MARCHF1: variants seen among roughly 807,000 people sequenced by gnomAD.
MARCHF1 encodes the protein E3 ubiquitin-protein ligase MARCHF1.
Under a neutral mutation model 54.2 loss-of-function variants are expected in MARCHF1, and 40 were observed. The observed-to-expected ratio is 0.74, with a 90% CI of 0.57 to 0.96. The LOEUF is 0.96. Ranked by LOEUF, MARCHF1 falls within the 40% of genes least tolerant of loss-of-function variation. MARCHF1 has a pLI of 0.00. For missense variants in MARCHF1, 586 were observed against 656.5 expected (o/e 0.89, Z 1.17); for synonymous variants, 236 against 236.3 (o/e 1.00, Z 0.01).
chr4:163,575,639 G>A (rs952937934), intron 8 of MARCHF1, among the ~76,000 whole-genome samples: 1 of 151,688 alleles, frequency 6.6e-6, no homozygotes, highest in Non-Finnish European at 1.5e-5. Flanking sequence ...GCTCTTCTTT[G>A]TATAGCTGGT....
chr4:163,976,904 C>T (rs1371276347), intron 3 of MARCHF1, among the ~76,000 whole-genome samples: 1 of 152,122 alleles, frequency 6.6e-6, no homozygotes, highest in African/African-American at 2.4e-5. Flanking sequence ...TAGCCAAACA[C>T]AGTTAAGCAT....
At chr4:163,754,815 CAGA>C (rs530180909) in intron 4 of MARCHF1, among the ~76,000 whole-genome samples, 103 of 151,854 alleles carry the variant, frequency 6.8e-4, no homozygotes, top group African/African-American at 2.3e-3. Context: ...GTTTTAATAA[CAGA>C]AGGACAGACA....
intron 4 of MARCHF1, among the ~76,000 whole-genome samples, chr4:163,815,388 A>G (rs1579308713): frequency 6.6e-6 from 1 of 152,350 alleles, no homozygotes; most frequent in African/African-American, 2.4e-5. Context: ...AAAGGCAGAA[A>G]TGTTGGCTGT....
At position 164,247,374 on chromosome 4, in the gene MARCHF1, G is replaced by T. The variant is rs1271985952; in HGVS notation, c.-322-135712C>A. On this transcript the variant is annotated intron_variant, in intron 1 of 9. Transcript: ENST00000514618. ...TCACAAGAACAAAAAACCAAACACC[G>T]CATATTCTCACTCATAGGTGGGAAT... is the stretch of plus-strand genomic sequence containing the variant. Among the ~76,000 whole-genome samples, 16 of 149,610 alleles carry T rather than the reference G, an allele frequency of 1.1e-4. No individual in the cohort carries two copies. In the East Asian group the frequency reaches 3.1e-3, roughly 29 times the overall value.
chr4:164,236,988 A>G (rs1303978321), intron 1 of MARCHF1, among the ~76,000 whole-genome samples: 2 of 152,164 alleles, frequency 1.3e-5, no homozygotes, highest in African/African-American at 2.4e-5. Context: ...TCAGCAATAC[A>G]GGACTCTACT....
intron 2 of MARCHF1, among the ~76,000 whole-genome samples, chr4:164,063,395 T>G (rs1277138306): frequency 6.6e-6 from 1 of 152,252 alleles, no homozygotes; most frequent in Non-Finnish European, 1.5e-5. Flanking sequence ...AATAGCTTGC[T>G]GCAGCTTCTC....
chr4:164,087,813 T>C (rs987357106), intron 2 of MARCHF1, among the ~76,000 whole-genome samples: 1 of 151,784 alleles, frequency 6.6e-6, no homozygotes, highest in African/African-American at 2.4e-5. Flanking sequence ...CTGTGTTTTT[T>C]TTTTTTCTGT....
rs181421953 is a variant in MARCHF1 at position 164,055,016 on chromosome 4, C to T, written c.-248+56572G>A. The stretch of plus-strand genomic sequence containing the variant: ...GTTTTGCGTGTTATCTAATTAAATT[C>T]TCTGTTTAATCTGTTGGGGGATATG... On this transcript the variant is annotated intron_variant, in intron 2 of 9. Coordinates refer to ENST00000514618, the MANE Select transcript of MARCHF1 (RefSeq NM_001394959.1). Among the ~76,000 whole-genome samples the T allele has an allele frequency of 5.9e-5, 9 of 152,172 alleles. No homozygotes were observed. In the East Asian group the frequency reaches 1.7e-3, roughly 29 times the overall value.
chr4:164,029,988 C>G (rs1753844765), intron 2 of MARCHF1, among the ~76,000 whole-genome samples: 1 of 152,070 alleles, frequency 6.6e-6, no homozygotes, highest in Admixed American at 6.6e-5. Flanking sequence ...AGATAATTTG[C>G]AAGTAAAAAA....
At chr4:164,038,048 G>A (rs1444219639) in intron 2 of MARCHF1, among the ~76,000 whole-genome samples, 1 of 152,154 alleles carries the variant, frequency 6.6e-6, no homozygotes, top group Non-Finnish European at 1.5e-5. Context: ...TGATTAAAAT[G>A]TTCTGTGCCT....
chr4:163,903,675 A>G (rs1399033170), intron 3 of MARCHF1, among the ~76,000 whole-genome samples: 2 of 151,920 alleles, frequency 1.3e-5, no homozygotes, highest in East Asian at 1.9e-4. Context: ...CAATGGTTCA[A>G]TCTTGGTTCA....
chr4:163,780,009 C>G (rs1747418612), intron 4 of MARCHF1, among the ~76,000 whole-genome samples: 1 of 152,276 alleles, frequency 6.6e-6, no homozygotes, highest in Middle Eastern at 3.4e-3. Context: ...GTGAGGACAC[C>G]TAAGTCTGGG....
chr4:163,960,629 G>A (rs1219662975), intron 3 of MARCHF1, among the ~76,000 whole-genome samples: 1 of 151,802 alleles, frequency 6.6e-6, no homozygotes, highest in Non-Finnish European at 1.5e-5. Context: ...ACAAAGAAGG[G>A]AACAACAGAC....
chr4:163,928,506 G>C (rs1156613477), intron 3 of MARCHF1, among the ~76,000 whole-genome samples: 1 of 151,794 alleles, frequency 6.6e-6, no homozygotes, highest in Admixed American at 6.6e-5. Context: ...GCACTTTATG[G>C]ATGAAGAATC....
intron 1 of MARCHF1, among the ~76,000 whole-genome samples, chr4:164,288,759 C>T (rs551935262): frequency 6.6e-6 from 1 of 152,162 alleles, no homozygotes; most frequent in South Asian, 2.1e-4. Context: ...GAGACCTACT[C>T]GACACATGAG....
chr4:164,137,400 T>C (rs1317476448), intron 1 of MARCHF1, among the ~76,000 whole-genome samples: 2 of 152,160 alleles, frequency 1.3e-5, no homozygotes, highest in African/African-American at 4.8e-5. Flanking sequence ...TAATAGAACA[T>C]GACAGACAAA....
At chr4:164,188,555 C>G in intron 1 of MARCHF1, 1 of 754,800 alleles carries the variant, frequency 1.3e-6, no homozygotes, top group Non-Finnish European at 2.5e-6. Context: ...TCAGAGCAAA[C>G]GCATCACGCG....
At chr4:164,075,298 C>T (rs1208608483) in intron 2 of MARCHF1, among the ~76,000 whole-genome samples, 2 of 152,178 alleles carry the variant, frequency 1.3e-5, no homozygotes, top group Non-Finnish European at 2.9e-5. Flanking sequence ...ATGTAGTGAC[C>T]TCCGGCTCTA....
chr4:164,258,183 G>T (rs951384652), intron 1 of MARCHF1, among the ~76,000 whole-genome samples: 5 of 152,032 alleles, frequency 3.3e-5, no homozygotes, highest in Non-Finnish European at 7.4e-5. Flanking sequence ...TCACTCATAA[G>T]TGGGAGTTGA....
Sources: gnomAD v4.1 joint callset for allele counts (sites outside exome capture counted in the v4.1 genomes callset) on GRCh38, gnomAD v4.1.1 for gene constraint, MANE v1.5 for transcripts, NCBI Gene and HGNC (gene_info 2026-07-23, HGNC 2026-07-21) for gene names.